Variants in AFG2A observed in about 807,000 individuals in gnomAD.
AFG2A encodes the protein ATPase family gene 2 protein homolog A.
the AFG2A span, among the ~76,000 whole-genome samples, chr4:122,971,697 G>A: frequency 2.6e-5 from 4 of 151,834 alleles, no homozygotes; most frequent in South Asian, 2.1e-4. Context: ...TGTTGTATGC[G>A]TGATAAGGAG....
the AFG2A span, among the ~76,000 whole-genome samples, chr4:123,146,195 T>G: frequency 6.6e-6 from 1 of 152,058 alleles, no homozygotes; most frequent in Non-Finnish European, 1.5e-5. Context: ...ATATACAAGA[T>G]CTCAGAAAAC....
the AFG2A span, among the ~76,000 whole-genome samples, chr4:123,243,720 C>T: frequency 6.6e-6 from 1 of 151,910 alleles, no homozygotes; most frequent in African/African-American, 2.4e-5. Flanking sequence ...ACGTTGTGCA[C>T]ATGTACCCTG....
At chr4:123,296,119 A>G in the AFG2A span, among the ~76,000 whole-genome samples, 6 of 152,168 alleles carry the variant, frequency 3.9e-5, no homozygotes, top group Middle Eastern at 0.01. Context: ...TAACACATGA[A>G]AAGAAGAGCA....
the AFG2A span, among the ~76,000 whole-genome samples, chr4:122,939,080 T>C: frequency 1.7e-5 from 2 of 119,938 alleles, no homozygotes; most frequent in South Asian, 2.7e-4. Context: ...TCTTTCTTTT[T>C]TTTTTTTTTT....
At chr4:123,065,441 A>G in the AFG2A span, among the ~76,000 whole-genome samples, 5 of 152,184 alleles carry the variant, frequency 3.3e-5, no homozygotes, top group African/African-American at 1.2e-4. Flanking sequence ...ATACATTTAT[A>G]GCGCTTAACA....
At chr4:123,140,094 ATACTG>A in the AFG2A span, among the ~76,000 whole-genome samples, 2 of 152,186 alleles carry the variant, frequency 1.3e-5, no homozygotes, top group South Asian at 4.1e-4. Flanking sequence ...AGGAAAATAA[ATACTG>A]TACTATATTT....
chr4:123,052,219 T>C, the AFG2A span, among the ~76,000 whole-genome samples: 1 of 152,134 alleles, frequency 6.6e-6, no homozygotes, highest in Non-Finnish European at 1.5e-5. Flanking sequence ...TTTTCATCAG[T>C]CCTGCTGTTG....
At chr4:123,094,545 AC>A in the AFG2A span, among the ~76,000 whole-genome samples, 12 of 152,246 alleles carry the variant, frequency 7.9e-5, no homozygotes, top group Non-Finnish European at 1.2e-4. Context: ...ATCAAGCTAT[AC>A]TGGGGGAAAA....
chr4:123,102,595 A>C, the AFG2A span, among the ~76,000 whole-genome samples: 1 of 152,038 alleles, frequency 6.6e-6, no homozygotes, highest in African/African-American at 2.4e-5. Context: ...ATCACTTATA[A>C]ATTTGAAAAA....
At chr4:123,125,942 A>C in the AFG2A span, among the ~76,000 whole-genome samples, 1 of 151,826 alleles carries the variant, frequency 6.6e-6, no homozygotes, top group Non-Finnish European at 1.5e-5. Context: ...CTCTTTCTCC[A>C]CCATTTCATA....
chr4:123,232,306 C>T, the AFG2A span, among the ~76,000 whole-genome samples: 1 of 151,764 alleles, frequency 6.6e-6, no homozygotes, highest in African/African-American at 2.4e-5. Flanking sequence ...TAAATTTAGC[C>T]AGAGGGGGAG....
At chr4:123,194,712 T>G in the AFG2A span, among the ~76,000 whole-genome samples, 1 of 152,224 alleles carries the variant, frequency 6.6e-6, no homozygotes, top group Non-Finnish European at 1.5e-5. Flanking sequence ...AATAAAGTGT[T>G]TTTGAATACT....
At chr4:122,952,806 C>G in the AFG2A span, among the ~76,000 whole-genome samples, 1,839 of 152,270 alleles carry the variant, frequency 0.012, 42 homozygotes, top group African/African-American at 0.041. Flanking sequence ...TGACTCTCTG[C>G]GGCAATGGGG....
At chr4:122,948,978 A>G in the AFG2A span, among the ~76,000 whole-genome samples, 1 of 152,222 alleles carries the variant, frequency 6.6e-6, no homozygotes, top group Non-Finnish European at 1.5e-5. Context: ...AACAAATATA[A>G]TAACAATCAT....
the AFG2A span, among the ~76,000 whole-genome samples, chr4:123,103,718 A>G: frequency 3.3e-5 from 5 of 152,180 alleles, no homozygotes; most frequent in Admixed American, 3.3e-4. Context: ...GTTTATAGCA[A>G]CTTTATTTAT....
chr4:123,022,212 C>G, the AFG2A span, among the ~76,000 whole-genome samples: 1 of 151,650 alleles, frequency 6.6e-6, no homozygotes, highest in South Asian at 2.1e-4. Context: ...TAAAGAGCTT[C>G]TGCACAGCAA....
At chr4:123,225,909 C>G in the AFG2A span, among the ~76,000 whole-genome samples, 1 of 152,260 alleles carries the variant, frequency 6.6e-6, no homozygotes. Context: ...TGTAGTTCTC[C>G]TTGAAGAGGT....
chr4:123,112,420 T>G, the AFG2A span, among the ~76,000 whole-genome samples: 2 of 152,232 alleles, frequency 1.3e-5, no homozygotes, highest in Non-Finnish European at 2.9e-5. Flanking sequence ...TGTTAGAGTC[T>G]GTGACATTAG....
the AFG2A span, among the ~76,000 whole-genome samples, chr4:123,147,091 C>G: frequency 6.6e-5 from 10 of 152,228 alleles, no homozygotes; most frequent in African/African-American, 1.9e-4. Flanking sequence ...TCCCATTTCA[C>G]TCTTCTGTTA....
Sources: allele counts gnomAD v4.1 joint callset (sites outside exome capture counted in the v4.1 genomes callset), GRCh38; gene constraint gnomAD v4.1.1; transcripts MANE v1.5; gene names NCBI Gene and HGNC (gene_info 2026-07-23, HGNC 2026-07-21).